The following MAP3K3 variants were observed in gnomAD, a reference collection of about 807,000 sequenced individuals.
MAP3K3 encodes MAP/ERK kinase kinase 3.
MAP3K3 carries 12 observed loss-of-function variants against 80.9 expected under a neutral mutation model. The ratio of observed to expected loss-of-function variants is 0.15; its 90% CI spans 0.10 to 0.24. MAP3K3 has a LOEUF of 0.24. Ranked by LOEUF, MAP3K3 falls within the 10% of genes least tolerant of loss-of-function variation. MAP3K3 has a pLI of 1.00. For synonymous variants in MAP3K3, 272 were observed against 307.1 expected, an observed-to-expected ratio of 0.89 and a Z score of 1.19; for missense variants, 596 against 834.7, an observed-to-expected ratio of 0.71 and a Z score of 3.52.
At chr17:63,639,657 A>G (rs2034402295) in intron 2 of MAP3K3, among the ~76,000 whole-genome samples, 1 of 152,164 alleles carries the variant, frequency 6.6e-6, no homozygotes, top group African/African-American at 2.4e-5. Context: ...CATTTGCTAC[A>G]TACCTTTGAT....
rs775783118 is a variant in MAP3K3 at position 63,689,632 on chromosome 17, G to C, written c.960G>C (p.Glu320Asp). 117 of 1,613,928 alleles carry C rather than the reference G, an allele frequency of 7.2e-5. No individual in the cohort carries two copies. Among genetic ancestry groups the C allele is most frequent in the Non-Finnish European group, 9.6e-5 (113 of 1,179,976 alleles). The change falls in exon 11 of 16, where the codon GAG becomes GAC. Residue 320 changes from glutamate to aspartate, a missense_variant. By Grantham distance (45) the Glu-to-Asp change is conservative. Coordinates refer to ENST00000361733, the MANE Select transcript of MAP3K3 (RefSeq NM_002401.5). The surrounding 1 kb of genome is among the most constrained non-coding windows in gnomAD (Gnocchi z 4.3). ...PSSRSLSTNG[E>D]NMGLAVQYLD... ...GCCGCTCCCTGAGCACAAATGGCGA[G>C]AACATGGGTCTGGCTGTGCAATACC...
intron 1 of MAP3K3, among the ~76,000 whole-genome samples, chr17:63,628,517 C>T (rs562668701): frequency 5.9e-5 from 9 of 152,014 alleles, no homozygotes; most frequent in Non-Finnish European, 1.2e-4. Flanking sequence ...TGTGCCACCA[C>T]GCCCAGCTAA....
In MAP3K3 at chr17:63,622,769, TGTC is replaced by T. The variant is rs760423930; in HGVS notation, c.4+8_4+10del. ...CGCCGCCATCGCCACCATGGGTAAG[TGTC>T]GCCACCGCCCCGGCCTGTGCCCGCG... On this transcript the variant is annotated splice_region_variant and intron_variant, in intron 1 of 15. Transcript: ENST00000361733. 3.8e-6 allele frequency: 2 copies of T among 528,122 alleles called. No homozygotes were observed. Among genetic ancestry groups the T allele is most frequent in the Admixed American group, 4.4e-5 (2 of 44,960 alleles). The allele number at this position is 528,122 out of a possible 1,614,324, so 32.7% of individuals were successfully genotyped here.
At chr17:63,629,777 CT>C (rs766650976) in intron 1 of MAP3K3, among the ~76,000 whole-genome samples, 6 of 152,226 alleles carry the variant, frequency 3.9e-5, no homozygotes, top group Non-Finnish European at 7.3e-5. Flanking sequence ...CAGTGCCAAA[CT>C]TTTCCACTAG....
At chr17:63,648,861 A>T (rs1271660269) in intron 3 of MAP3K3, among the ~76,000 whole-genome samples, 1 of 152,182 alleles carries the variant, frequency 6.6e-6, no homozygotes, top group Non-Finnish European at 1.5e-5. Flanking sequence ...TTCCTAGTGG[A>T]GATGAAACTA....
intron 1 of MAP3K3, among the ~76,000 whole-genome samples, chr17:63,629,282 G>A (rs1378348885): frequency 2.6e-5 from 4 of 151,952 alleles, no homozygotes; most frequent in South Asian, 4.1e-4. Flanking sequence ...ACCACCACGC[G>A]CAGTTAATTT....
At chr17:63,650,700 T>G (rs2034637188) in intron 3 of MAP3K3, among the ~76,000 whole-genome samples, 2 of 144,648 alleles carry the variant, frequency 1.4e-5, no homozygotes, top group South Asian at 4.3e-4. Context: ...GAGAGAGTTT[T>G]TTTTTTTTTT....
At chr17:63,645,885 C>T in intron 2 of MAP3K3, 149 bp from the exon 3 acceptor site, 1 of 662,914 alleles carries the variant, frequency 1.5e-6, no homozygotes, top group South Asian at 1.6e-5. Flanking sequence ...AAAGGAATGC[C>T]CATGCCCATC....
chr17:63,688,969 G>C, intron 10 of MAP3K3, 88 bp downstream of exon 10: 1 of 905,418 alleles, frequency 1.1e-6, no homozygotes, highest in Non-Finnish European at 1.8e-6. Context: ...TGCAGTGCCT[G>C]TATTTTCCTT....
At chr17:63,647,467 TC>T (rs2034563546) in intron 3 of MAP3K3, among the ~76,000 whole-genome samples, 1 of 152,212 alleles carries the variant, frequency 6.6e-6, no homozygotes, top group Admixed American at 6.5e-5. Flanking sequence ...AATTCCCTGT[TC>T]CCAAAGTGGT....
chr17:63,643,552 G>A (rs1175865644), intron 2 of MAP3K3, among the ~76,000 whole-genome samples: 1 of 152,036 alleles, frequency 6.6e-6, no homozygotes, highest in African/African-American at 2.4e-5. Context: ...TGTACAAAGG[G>A]GAGAAGGATA....
rs1217309400 is a variant in MAP3K3 at position 63,691,291 on chromosome 17, T to C, written c.1344+58T>C. The C allele has an allele frequency of 1.9e-6, 3 of 1,609,558 alleles. No individual in the cohort carries two copies. The highest frequency in any genetic ancestry group is 4.5e-5 in the East Asian group (2 of 44,798). On this transcript the variant is annotated intron_variant, in intron 13 of 15. Coordinates refer to ENST00000361733, the MANE Select transcript of MAP3K3 (RefSeq NM_002401.5). This position sits in a 1 kb window ranked among gnomAD's most constrained non-coding sequence, Gnocchi z 4.8. Reference sequence around the variant, plus strand: ...ACAAAAGAGGGCCTGACCTGGGGGCTGGGGCCTGCAGGAGGGGGGTCACCT... The same window carrying C: ...ACAAAAGAGGGCCTGACCTGGGGGCCGGGGCCTGCAGGAGGGGGGTCACCT...
chr17:63,638,958 G>A (rs1352820686), intron 2 of MAP3K3, among the ~76,000 whole-genome samples: 1 of 152,012 alleles, frequency 6.6e-6, no homozygotes, highest in African/African-American at 2.4e-5. Flanking sequence ...CTTGGGAGGC[G>A]GAGGTTGTAG....
intron 2 of MAP3K3, among the ~76,000 whole-genome samples, chr17:63,638,576 G>T (rs532984860): frequency 5.9e-5 from 9 of 152,144 alleles, no homozygotes; most frequent in Admixed American, 5.9e-4. Context: ...CCGACAGCCC[G>T]CACTGTCTCT....
At chr17:63,657,732 G>T in intron 4 of MAP3K3, 62 bp from the exon 5 acceptor site, 11 of 703,958 alleles carry the variant, frequency 1.6e-5, no homozygotes, top group Non-Finnish European at 2.7e-5. Flanking sequence ...TTTCTGCAAA[G>T]TGAAACATTG....
intron 2 of MAP3K3, among the ~76,000 whole-genome samples, chr17:63,638,127 A>G (rs1318980553): frequency 6.6e-6 from 1 of 152,228 alleles, no homozygotes; most frequent in Non-Finnish European, 1.5e-5. Context: ...CAAGCCTGGC[A>G]TTATATTTTG....
chr17:63,689,431 A>G lies in MAP3K3; in HGVS notation c.872-113A>G. On this transcript the variant is annotated intron_variant, in intron 10 of 15. Transcript: ENST00000361733. The surrounding 1 kb of genome is among the most constrained non-coding windows in gnomAD (Gnocchi z 4.3). ...GTATTATCTATCACTTCTGGCTGAG[A>G]CCTGGTTTGTATATTCCGCCTTGTA... 4.7e-6 allele frequency: 4 copies of G among 856,562 alleles called. No individual in the cohort carries two copies. Among genetic ancestry groups the G allele is most frequent in the Non-Finnish European group, 7.2e-6 (4 of 558,108 alleles). The allele number at this position is 856,562 out of a possible 1,614,324, so 53.1% of individuals were successfully genotyped here.
In MAP3K3 at chr17:63,692,133, C is replaced by A; in HGVS notation, c.1475-109C>A. The A allele has an allele frequency of 7.8e-7, 1 of 1,275,396 alleles. No homozygotes were observed. The highest frequency in any genetic ancestry group is 1.1e-6 in the Non-Finnish European group (1 of 897,346). 79.0% of individuals were successfully genotyped at this position (1,275,396 alleles called of 1,614,324 possible). On this transcript the variant is annotated intron_variant, in intron 14 of 15. Transcript: ENST00000361733. This position sits in a 1 kb window ranked among gnomAD's most constrained non-coding sequence, Gnocchi z 4.5. ...TGCCCTTTGCAGTTCATGTCTAATT[C>A]AGTGGTAGCCCTGCCCTCTCCAGCA...
intron 6 of MAP3K3, 29 bp from the exon 7 acceptor site, chr17:63,681,734 CTGT>C: frequency 7.2e-7 from 1 of 1,396,704 alleles, no homozygotes; most frequent in Non-Finnish European, 9.4e-7. Context: ...ACCCTGGGCT[CTGT>C]TGTTGAAAGC....
Sources: gnomAD v4.1 joint callset for allele counts (sites outside exome capture counted in the v4.1 genomes callset) on GRCh38, gnomAD v4.1.1 for gene constraint, Gnocchi (gnomAD v3.1) non-coding constraint, MANE v1.5 for transcripts, NCBI Gene and HGNC (gene_info 2026-07-23, HGNC 2026-07-21) for gene names.